ADGRB3: variants seen among roughly 807,000 people sequenced by gnomAD.
ADGRB3 encodes adhesion G protein-coupled receptor B3.
A neutral mutation model predicts 193.4 loss-of-function variants in ADGRB3; 37 were observed. The observed-to-expected ratio is 0.19, with a 90% CI of 0.15 to 0.25. ADGRB3 has a LOEUF of 0.25. Among genes scored for constraint, ADGRB3 ranks in the 10% least tolerant of loss-of-function variants. The pLI is 1.00. For missense variants in ADGRB3, 1,637 were observed against 1,852.9 expected (o/e 0.88, Z 2.14); for synonymous variants, 690 against 644.2 (o/e 1.07, Z -1.08).
At chr6:68,701,699 CA>C (rs1269438543) in intron 3 of ADGRB3, among the ~76,000 whole-genome samples, 4 of 152,002 alleles carry the variant, frequency 2.6e-5, no homozygotes, top group African/African-American at 9.7e-5. Flanking sequence ...TGATGGCTTG[CA>C]AAACAACAGG....
intron 3 of ADGRB3, among the ~76,000 whole-genome samples, chr6:68,645,760 C>T (rs1454811676): frequency 6.6e-6 from 1 of 152,130 alleles, no homozygotes; most frequent in Non-Finnish European, 1.5e-5. Context: ...GCAACCTCCG[C>T]TTCCAGAGTT....
At chr6:68,764,048 G>T (rs1289841039) in intron 3 of ADGRB3, among the ~76,000 whole-genome samples, 1 of 151,990 alleles carries the variant, frequency 6.6e-6, no homozygotes, top group Non-Finnish European at 1.5e-5. Flanking sequence ...CTCCAGCCTG[G>T]GTGACAAGTT....
At chr6:68,887,124 C>T (rs12194110) in intron 3 of ADGRB3, among the ~76,000 whole-genome samples, 34,382 of 151,504 alleles carry the variant, frequency 0.23, 4,433 homozygotes, top group African/African-American at 0.35. Flanking sequence ...TCTTTATCAC[C>T]TTAGAGTAAG....
chr6:68,844,019 AT>A (rs1768222263), intron 3 of ADGRB3, among the ~76,000 whole-genome samples: 1 of 152,200 alleles, frequency 6.6e-6, no homozygotes, highest in Non-Finnish European at 1.5e-5. Context: ...CAAATATCAA[AT>A]GCAAATGGAT....
At chr6:68,923,588 A>G (rs1767104206) in intron 3 of ADGRB3, among the ~76,000 whole-genome samples, 1 of 152,108 alleles carries the variant, frequency 6.6e-6, no homozygotes, top group African/African-American at 2.4e-5. Context: ...TTTATGGAAT[A>G]TTTTAAGTTA....
intron 20 of ADGRB3, among the ~76,000 whole-genome samples, chr6:69,310,425 C>A (rs189277619): frequency 3.3e-5 from 5 of 151,772 alleles, no homozygotes; most frequent in Admixed American, 3.3e-4. Context: ...TGACTTACTT[C>A]CTGTTTTCAA....
chr6:68,777,424 A>T (rs1164354833), intron 3 of ADGRB3, among the ~76,000 whole-genome samples: 1 of 152,122 alleles, frequency 6.6e-6, no homozygotes, highest in Admixed American at 6.6e-5. Flanking sequence ...TGCTGTGAAT[A>T]TCTCTATACT....
intron 17 of ADGRB3, among the ~76,000 whole-genome samples, chr6:69,148,811 T>G (rs1165001965): frequency 6.6e-6 from 1 of 152,182 alleles, no homozygotes; most frequent in African/African-American, 2.4e-5. Flanking sequence ...GATATGCTAT[T>G]ATAGGTTAAA....
At chr6:68,916,911 T>G (rs975234525) in intron 3 of ADGRB3, among the ~76,000 whole-genome samples, 2 of 152,302 alleles carry the variant, frequency 1.3e-5, no homozygotes, top group African/African-American at 2.4e-5. Flanking sequence ...TTCTAAATAC[T>G]GAGAAGTCAT....
At chr6:69,382,531 T>G (rs1247434549) in intron 30 of ADGRB3, among the ~76,000 whole-genome samples, 7 of 151,982 alleles carry the variant, frequency 4.6e-5, no homozygotes, top group African/African-American at 7.2e-5. Context: ...AAAACAGTTT[T>G]AACTTTTGAA....
intron 3 of ADGRB3, among the ~76,000 whole-genome samples, chr6:68,643,360 C>A (rs745895354): frequency 1.4e-5 from 2 of 143,444 alleles, no homozygotes. Context: ...GTCCCCATTT[C>A]TTTTTACCTT....
At position 68,817,303 on chromosome 6, in the gene ADGRB3, CCATGTATA is replaced by C. The variant is rs1466655184; in HGVS notation, c.758-113255_758-113248del. On this transcript the variant is annotated intron_variant, in intron 3 of 31. Transcript: ENST00000370598. ...AAAGGTATTTATTATTCCCTTTTGT[CCATGTATA>C]TATATATATATATATATATATATAT... Among the ~76,000 whole-genome samples the C allele has an allele frequency of 3.1e-3, 101 of 32,764 alleles. 2 individuals are homozygous for C. Among genetic ancestry groups the C allele is most frequent in the Non-Finnish European group, 6.0e-3 (81 of 13,478 alleles). The allele number at this position is 32,764 out of a possible 152,430, so 21.5% of individuals were successfully genotyped here.
intron 20 of ADGRB3, among the ~76,000 whole-genome samples, chr6:69,296,162 T>G (rs78490557): frequency 6.6e-5 from 10 of 152,290 alleles, no homozygotes; most frequent in Non-Finnish European, 1.5e-4. Context: ...ATAATAGCCA[T>G]ATTAACTAAG....
At chr6:69,082,771 T>C (rs1367272987) in intron 17 of ADGRB3, among the ~76,000 whole-genome samples, 2 of 152,202 alleles carry the variant, frequency 1.3e-5, no homozygotes, top group Non-Finnish European at 2.9e-5. Context: ...GTTTCTGCTC[T>C]CTTTTATTTC....
chr6:68,784,979 G>A (rs1011724705), intron 3 of ADGRB3, among the ~76,000 whole-genome samples: 28 of 151,914 alleles, frequency 1.8e-4, no homozygotes, highest in African/African-American at 6.5e-4. Context: ...CAGTTTAGGT[G>A]AATAAAAACA....
intron 3 of ADGRB3, among the ~76,000 whole-genome samples, chr6:68,831,285 T>A (rs1767946804): frequency 7.9e-6 from 1 of 125,974 alleles, no homozygotes. Flanking sequence ...AAATGGTGAA[T>A]GCAAAGGTGG....
chr6:68,726,283 T>C (rs1043218581), intron 3 of ADGRB3, among the ~76,000 whole-genome samples: 2 of 151,672 alleles, frequency 1.3e-5, no homozygotes, highest in Non-Finnish European at 3.0e-5. Flanking sequence ...AGAGATTATC[T>C]TCTCTGCCTT....
At chr6:69,039,330 G>A (rs1314836408) in intron 13 of ADGRB3, among the ~76,000 whole-genome samples, 1 of 151,792 alleles carries the variant, frequency 6.6e-6, no homozygotes, top group African/African-American at 2.4e-5. Context: ...TTGTGAAGAA[G>A]AAAAAAGAAA....
Position 68,887,285 on chromosome 6 carries a change from T to G in ADGRB3, c.758-43274T>G, listed in dbSNP as rs62416404. Among the ~76,000 whole-genome samples the G allele has an allele frequency of 3.0e-3, 464 of 152,236 alleles. 1 individual carries two copies. Among genetic ancestry groups the G allele is most frequent in the Non-Finnish European group, 5.6e-3 (383 of 67,946 alleles). On this transcript the variant is annotated intron_variant, in intron 3 of 31. Coordinates refer to ENST00000370598, the MANE Select transcript of ADGRB3 (RefSeq NM_001704.3). ...TCTTTCAACAATAGAAAAAATGGGC[T>G]TAACCATTGATACGTATCCTTGCAG...
Sources: gnomAD v4.1 joint callset for allele counts (sites outside exome capture counted in the v4.1 genomes callset) on GRCh38, gnomAD v4.1.1 for gene constraint, MANE v1.5 for transcripts, NCBI Gene and HGNC (gene_info 2026-07-23, HGNC 2026-07-21) for gene names.